ZFHX3: variants seen among roughly 807,000 people sequenced by gnomAD.
ZFHX3 encodes zinc finger homeobox 3.
In ZFHX3, 42 loss-of-function variants were observed where a neutral mutation model predicts 279.1. The ratio of observed to expected loss-of-function variants is 0.15; its 90% CI spans 0.12 to 0.19. ZFHX3 has a LOEUF of 0.19. Ranked by LOEUF, ZFHX3 falls within the 10% of genes least tolerant of loss-of-function variation. ZFHX3 has a pLI of 1.00. For synonymous variants in ZFHX3, 2,293 were observed against 1,957.8 expected, an observed-to-expected ratio of 1.17 and a Z score of -4.52; for missense variants, 4,981 against 4,754.0, an observed-to-expected ratio of 1.05 and a Z score of -1.40.
chr16:73,834,672 C>G (rs1422161587), intron 1 of ZFHX3, among the ~76,000 whole-genome samples: 2 of 152,196 alleles, frequency 1.3e-5, no homozygotes, highest in Non-Finnish European at 2.9e-5. Flanking sequence ...GCGGGCAGAT[C>G]ATGAGGTCAA....
intron 3 of ZFHX3, among the ~76,000 whole-genome samples, chr16:73,383,363 G>C (rs1367495082): frequency 2.0e-5 from 3 of 152,166 alleles, no homozygotes; most frequent in Admixed American, 6.5e-5. Flanking sequence ...GCAAAAAGCC[G>C]AGGCTGTAGA....
chr16:73,803,193 A>G (rs560254168), intron 1 of ZFHX3, among the ~76,000 whole-genome samples: 25 of 152,364 alleles, frequency 1.6e-4, no homozygotes, highest in African/African-American at 5.8e-4. Context: ...GTAGAAATTT[A>G]TAGAACAGGA....
chr16:73,782,854 C>A (rs1376368693), intron 1 of ZFHX3, among the ~76,000 whole-genome samples: 1 of 152,224 alleles, frequency 6.6e-6, no homozygotes, highest in Admixed American at 6.5e-5. Flanking sequence ...GAAATATGCA[C>A]TGTTTCTTAG....
rs569791897 is a variant in ZFHX3, at chr16:73,280,751, G to A, written c.-1193-23615C>T. ...TATCCCAGAACTTTGGGAGGCCGAG[G>A]CAGGCGGATTACCTGAGGTTGGGAG... On this transcript the variant is annotated intron_variant, in intron 4 of 17. Coordinates refer to the ZFHX3 transcript ENST00000641206. Among the ~76,000 whole-genome samples the A allele has an allele frequency of 7.9e-5, 12 of 152,152 alleles. No individual in the cohort carries two copies. In the South Asian group the frequency reaches 1.5e-3, roughly 18 times the overall value.
chr16:73,562,971 G>A (rs958923159), intron 2 of ZFHX3, among the ~76,000 whole-genome samples: 2 of 152,126 alleles, frequency 1.3e-5, no homozygotes, highest in African/African-American at 4.8e-5. Flanking sequence ...GGAAACCTTT[G>A]CTTGAAATAC....
intron 3 of ZFHX3, among the ~76,000 whole-genome samples, chr16:73,352,391 A>G (rs2016260026): frequency 6.6e-6 from 1 of 151,592 alleles, no homozygotes; most frequent in South Asian, 2.1e-4. Context: ...AAATGAGGAT[A>G]ACGGCTCCTG....
At position 73,622,384 on chromosome 16, in the gene ZFHX3, C is replaced by A. The variant is rs140504316; in HGVS notation, c.-1547+57796G>T. ...CCATCCTGGCTAACAAGGTGAAACC[C>A]TGTCTTTACTAGAAATACAAAAATA... On this transcript the variant is annotated intron_variant, in intron 2 of 17. Coordinates refer to the ZFHX3 transcript ENST00000641206. Among the ~76,000 whole-genome samples the A allele has an allele frequency of 6.7e-4, 102 of 152,226 alleles. 1 individual carries two copies. In the East Asian group the frequency reaches 0.013, roughly 19 times the overall value.
chr16:73,591,054 C>T (rs1436345700), intron 2 of ZFHX3, among the ~76,000 whole-genome samples: 1 of 152,102 alleles, frequency 6.6e-6, no homozygotes, highest in Non-Finnish European at 1.5e-5. Flanking sequence ...GAACAAATGC[C>T]TCAAAAACTA....
At chr16:73,169,736 A>G (rs1459612688) in intron 5 of ZFHX3, among the ~76,000 whole-genome samples, 1 of 152,108 alleles carries the variant, frequency 6.6e-6, no homozygotes, top group Non-Finnish European at 1.5e-5. Context: ...TCAGTAAAGT[A>G]TCAAGGTTAT....
chr16:73,208,977 T>G (rs1409652350), intron 5 of ZFHX3, among the ~76,000 whole-genome samples: 2 of 152,180 alleles, frequency 1.3e-5, no homozygotes, highest in Admixed American at 1.3e-4. Flanking sequence ...CCATTTTTTT[T>G]GTAAGCAAAT....
At chr16:72,886,387 T>A (rs1052414750) in intron 4 of ZFHX3, among the ~76,000 whole-genome samples, 3 of 151,606 alleles carry the variant, frequency 2.0e-5, no homozygotes, top group Non-Finnish European at 4.4e-5. Flanking sequence ...CTCACACACT[T>A]CTCGGGGGAA....
chr16:73,789,380 C>A (rs1001247365), intron 1 of ZFHX3, among the ~76,000 whole-genome samples: 1 of 151,938 alleles, frequency 6.6e-6, no homozygotes, highest in Non-Finnish European at 1.5e-5. Flanking sequence ...CGGGGTTTCA[C>A]CATGTTAGCC....
chr16:72,914,744 C>A (rs1315418208), intron 3 of ZFHX3, among the ~76,000 whole-genome samples: 1 of 152,160 alleles, frequency 6.6e-6, no homozygotes, highest in Non-Finnish European at 1.5e-5. Flanking sequence ...ATAATCCCAG[C>A]ACTTTGGGGG....
intron 8 of ZFHX3, among the ~76,000 whole-genome samples, chr16:73,075,437 A>T (rs1425060192): frequency 6.6e-6 from 1 of 152,160 alleles, no homozygotes; most frequent in Non-Finnish European, 1.5e-5. Context: ...GTATGTTTTT[A>T]AAAATATGAT....
chr16:73,705,362 T>C lies in ZFHX3; in HGVS notation c.-1607-25122A>G, dbSNP rs181227856. Among the ~76,000 whole-genome samples, 742 of 152,210 alleles carry C rather than the reference T, an allele frequency of 4.9e-3. 6 individuals carry two copies. The highest frequency in any genetic ancestry group is 8.5e-3 in the Non-Finnish European group (579 of 68,010). ...GCGGGGGTTCAATCCCTGGCACTTC[T>C]GGTCCAGGGTGAGAGGGTGAGAGCA... On this transcript the variant is annotated intron_variant, in intron 1 of 17. Transcript: ENST00000641206.
At chr16:73,779,173 T>A (rs943703193) in intron 1 of ZFHX3, among the ~76,000 whole-genome samples, 5 of 152,184 alleles carry the variant, frequency 3.3e-5, no homozygotes, top group Non-Finnish European at 4.4e-5. Flanking sequence ...CCTCCCAACA[T>A]GTGCCAAAGT....
At chr16:73,211,440 T>G (rs1193907381) in intron 5 of ZFHX3, among the ~76,000 whole-genome samples, 5 of 152,106 alleles carry the variant, frequency 3.3e-5, no homozygotes, top group African/African-American at 1.2e-4. Context: ...AATTTATCCA[T>G]TTTTTAAAAA....
Position 73,515,643 on chromosome 16 carries a change from G to A in ZFHX3, c.-1546-59385C>T, listed in dbSNP as rs1209913340. ...AAGGAGAACAAATTCAAGAACCTAC[G>A]GATATAGTTTCTTTAGAAGTACGTA... On this transcript the variant is annotated intron_variant, in intron 2 of 17. Transcript: ENST00000641206. Among the ~76,000 whole-genome samples the A allele has an allele frequency of 2.0e-5, 3 of 151,992 alleles. No homozygotes were observed. In the East Asian group the frequency reaches 5.8e-4, roughly 29 times the overall value.
chr16:73,394,028 CTG>C (rs1020563191), intron 3 of ZFHX3, among the ~76,000 whole-genome samples: 2 of 148,304 alleles, frequency 1.3e-5, no homozygotes, highest in African/African-American at 2.5e-5. Flanking sequence ...AATCTAAAAA[CTG>C]TGTATATAAG....
Sources: gnomAD v4.1 joint callset for allele counts (sites outside exome capture counted in the v4.1 genomes callset) on GRCh38, gnomAD v4.1.1 for gene constraint, MANE v1.5 for transcripts, NCBI Gene and HGNC (gene_info 2026-07-23, HGNC 2026-07-21) for gene names.